MGAT5: variants seen among roughly 807,000 people sequenced by gnomAD.
MGAT5 encodes alpha-1,6-mannosylglycoprotein 6-beta-N-acetylglucosaminyltransferase A.
In MGAT5, 30 loss-of-function variants were observed where a neutral mutation model predicts 94.3. That is an observed-to-expected ratio of 0.32 (90% CI 0.24 to 0.43). The LOEUF is 0.43. MGAT5 is among the 20% of genes least tolerant of loss of function. The pLI is 1.00. For missense variants in MGAT5, 691 were observed against 905.5 expected (o/e 0.76, Z 3.04); for synonymous variants, 310 against 322.9 (o/e 0.96, Z 0.43).
chr2:134,332,515 G>C (rs1243398149), intron 4 of MGAT5, among the ~76,000 whole-genome samples: 2 of 152,168 alleles, frequency 1.3e-5, no homozygotes, highest in African/African-American at 4.8e-5. Context: ...TACCATTCAA[G>C]ACATAGGCAT....
At chr2:134,172,104 A>G (rs1440487892) in intron 1 of MGAT5, among the ~76,000 whole-genome samples, 2 of 152,190 alleles carry the variant, frequency 1.3e-5, no homozygotes, top group African/African-American at 4.8e-5. Flanking sequence ...ACTTCATTCA[A>G]TCATTATCAG....
rs1408952317 is a variant in MGAT5 at position 134,326,703 on chromosome 2, A to AC, written c.573+7964_573+7965insC. Among the ~76,000 whole-genome samples, 4 of 152,106 alleles carry AC rather than the reference A, an allele frequency of 2.6e-5. 1 individual carries two copies. The highest frequency in any genetic ancestry group is 1.3e-4 in the Admixed American group (2 of 15,250). On this transcript the variant is annotated intron_variant, in intron 4 of 15. Transcript: ENST00000281923. ...GGAGAGATAGCTAGCAACATCAAAA[A>AC]AGTAAGATGTATCATCTAGATTGTA...
At chr2:134,231,323 C>G (rs926496608) in intron 1 of MGAT5, 1 of 152,132 alleles carries the variant, frequency 6.6e-6, no homozygotes. Flanking sequence ...TTGTACAACT[C>G]TGAGCCCAGT....
chr2:134,409,896 A>G (rs900472939), intron 11 of MGAT5, among the ~76,000 whole-genome samples: 6 of 152,222 alleles, frequency 3.9e-5, no homozygotes, highest in African/African-American at 1.2e-4. Flanking sequence ...GCATTAGTTC[A>G]GAAATTTAAT....
At chr2:134,386,959 G>C (rs1682020882) in intron 10 of MGAT5, among the ~76,000 whole-genome samples, 1 of 151,986 alleles carries the variant, frequency 6.6e-6, no homozygotes, top group African/African-American at 2.4e-5. Context: ...AGACCATTTG[G>C]CCAGATAAAA....
At chr2:134,314,512 C>A (rs1686884789) in intron 2 of MGAT5, among the ~76,000 whole-genome samples, 1 of 152,060 alleles carries the variant, frequency 6.6e-6, no homozygotes, top group African/African-American at 2.4e-5. Context: ...ACATAACCTT[C>A]CTATAGGTTC....
intron 10 of MGAT5, among the ~76,000 whole-genome samples, chr2:134,402,332 T>C (rs1162663583): frequency 7.2e-5 from 11 of 152,230 alleles, no homozygotes; most frequent in African/African-American, 2.7e-4. Context: ...AAATTACTCT[T>C]GAATGTTTCA....
intron 4 of MGAT5, among the ~76,000 whole-genome samples, chr2:134,325,258 A>C (rs2105927852): frequency 6.6e-6 from 1 of 152,244 alleles, no homozygotes; most frequent in South Asian, 2.1e-4. Context: ...CTTGGAACAC[A>C]TGTGGCAGGA....
At chr2:134,304,087 A>C (rs946399588) in intron 2 of MGAT5, among the ~76,000 whole-genome samples, 1 of 152,196 alleles carries the variant, frequency 6.6e-6, no homozygotes, top group Non-Finnish European at 1.5e-5. Context: ...TTGTTTTTAA[A>C]GAATCCTAGG....
intron 1 of MGAT5, among the ~76,000 whole-genome samples, chr2:134,176,646 TAAAAA>T (rs1688481439): frequency 6.6e-6 from 1 of 150,706 alleles, no homozygotes; most frequent in African/African-American, 2.5e-5. Context: ...AAATGACATT[TAAAAA>T]GTCTATAATA....
At chr2:134,351,267 G>C (rs1252200521) in intron 9 of MGAT5, among the ~76,000 whole-genome samples, 1 of 152,176 alleles carries the variant, frequency 6.6e-6, no homozygotes, top group Non-Finnish European at 1.5e-5. Flanking sequence ...TTTCAGTATG[G>C]TGAGGATGCT....
At chr2:134,283,645 C>CTT (rs35922830) in intron 2 of MGAT5, among the ~76,000 whole-genome samples, 1,131 of 69,058 alleles carry the variant, frequency 0.016, 165 homozygotes, top group African/African-American at 0.066. Context: ...AATGTAGTAT[C>CTT]TTTTTTTTTT....
chr2:134,199,412 G>T (rs757231851), intron 1 of MGAT5, among the ~76,000 whole-genome samples: 3 of 152,084 alleles, frequency 2.0e-5, no homozygotes, highest in African/African-American at 7.2e-5. Context: ...GCTGTTCTTT[G>T]TGTCACCTGT....
intron 1 of MGAT5, among the ~76,000 whole-genome samples, chr2:134,170,612 T>C (rs1476756801): frequency 6.6e-6 from 1 of 152,192 alleles, no homozygotes; most frequent in East Asian, 1.9e-4. Flanking sequence ...TGCTCTTCCA[T>C]GAAGTCCTTA....
intron 10 of MGAT5, among the ~76,000 whole-genome samples, chr2:134,378,122 G>T (rs530893237): frequency 2.0e-4 from 30 of 152,180 alleles, no homozygotes; most frequent in Non-Finnish European, 2.9e-4. Context: ...GCCCCTGGAA[G>T]TATGTTTTCT....
rs1317097322 is a variant in MGAT5, at chr2:134,268,393, G to A, written c.242-1993G>A. On this transcript the variant is annotated intron_variant, in intron 1 of 15. Transcript: ENST00000281923. The surrounding 1 kb of genome is among the most constrained non-coding windows in gnomAD (Gnocchi z 4.1). The stretch of plus-strand genomic sequence containing the variant: ...ATTGCCACTTCTCACTGGCACGACT[G>A]CCCCCTTCTGTGTGACTGGCCTCTG... 6.6e-6 allele frequency among the ~76,000 whole-genome samples: 1 copy of A among 152,192 alleles called. No individual in the cohort carries two copies. Among genetic ancestry groups the A allele is most frequent in the African/African-American group, 2.4e-5 (1 of 41,430 alleles).
chr2:134,215,664 C>T (rs943359528), intron 1 of MGAT5, among the ~76,000 whole-genome samples: 1 of 152,214 alleles, frequency 6.6e-6, no homozygotes, highest in African/African-American at 2.4e-5. Flanking sequence ...CAACTGAAGT[C>T]AGCTAAACTT....
intron 11 of MGAT5, among the ~76,000 whole-genome samples, chr2:134,412,589 C>T (rs913816331): frequency 1.3e-5 from 2 of 152,020 alleles, no homozygotes; most frequent in East Asian, 3.9e-4. Context: ...ATCCTCCCTA[C>T]CCCGTGGATA....
chr2:134,126,018 A>G (rs2104881894), intron 1 of MGAT5, among the ~76,000 whole-genome samples: 1 of 152,280 alleles, frequency 6.6e-6, no homozygotes, highest in East Asian at 1.9e-4. Flanking sequence ...ATTCCTTAAC[A>G]TTTCTGATAA....
Sources: allele counts gnomAD v4.1 joint callset (sites outside exome capture counted in the v4.1 genomes callset), GRCh38; gene constraint gnomAD v4.1.1; non-coding constraint Gnocchi (gnomAD v3.1); transcripts MANE v1.5; gene names NCBI Gene and HGNC (gene_info 2026-07-23, HGNC 2026-07-21).